Variants in MCPH1 observed in about 807,000 individuals in gnomAD.
MCPH1 encodes microcephalin 1, also known as microcephalin.
MCPH1 carries 104 observed loss-of-function variants against 84.5 expected under a neutral mutation model. The observed-to-expected ratio is 1.23, with a 90% confidence interval of 1.05 to 1.45. The LOEUF (loss-of-function observed/expected upper bound fraction) is 1.45, where lower values mean the gene tolerates loss of function less well. MCPH1 is among the 40% of genes most tolerant of loss of function. MCPH1 has a pLI of 0.00. For missense variants in MCPH1, 1,498 were observed against 1,005.7 expected, an observed-to-expected ratio of 1.49 and a Z score of -6.62; for synonymous variants, 514 against 366.8, an observed-to-expected ratio of 1.40 and a Z score of -4.58.
intron 3 of MCPH1, among the ~76,000 whole-genome samples, chr8:6,430,382 G>A (rs1801662501): frequency 6.6e-6 from 1 of 152,286 alleles, no homozygotes; most frequent in East Asian, 1.9e-4. Context: ...AGGGGATAAT[G>A]CGAGATGAGA....
intron 11 of MCPH1, among the ~76,000 whole-genome samples, chr8:6,485,634 A>ATGTC (rs1809795188): frequency 6.6e-6 from 1 of 152,052 alleles, no homozygotes; most frequent in African/African-American, 2.4e-5. Context: ...TCACAAATGT[A>ATGTC]TGTCTGTATT....
chr8:6,623,953 G>C (rs992046910), intron 13 of MCPH1, among the ~76,000 whole-genome samples: 2 of 152,214 alleles, frequency 1.3e-5, no homozygotes, highest in Non-Finnish European at 2.9e-5. Flanking sequence ...ATATCAACAG[G>C]CAGTCTTTTT....
chr8:6,531,132 C>T (rs1441906804), intron 12 of MCPH1, among the ~76,000 whole-genome samples: 2 of 151,900 alleles, frequency 1.3e-5, no homozygotes, highest in East Asian at 1.9e-4. Flanking sequence ...GAGCTTGGAG[C>T]GTCTGCATTT....
intron 12 of MCPH1, among the ~76,000 whole-genome samples, chr8:6,566,329 TGTG>T (rs1826146943): frequency 6.6e-6 from 1 of 152,322 alleles, no homozygotes; most frequent in East Asian, 1.9e-4. Flanking sequence ...GTGCACGCGG[TGTG>T]GTGACCGTGT....
intron 13 of MCPH1, among the ~76,000 whole-genome samples, chr8:6,638,945 C>T (rs984756968): frequency 3.3e-5 from 5 of 152,184 alleles, no homozygotes; most frequent in African/African-American, 1.2e-4. Context: ...CAGTCACAGC[C>T]CCATGCGCAC....
intron 11 of MCPH1, among the ~76,000 whole-genome samples, chr8:6,491,488 ATTATAC>A: frequency 8.6e-6 from 1 of 116,718 alleles, no homozygotes; most frequent in East Asian, 2.4e-4. Flanking sequence ...TTTTTTTTTT[ATTATAC>A]TTTAAGTTCT....
At chr8:6,611,130 T>TCACACACA (rs138053875) in intron 12 of MCPH1, among the ~76,000 whole-genome samples, 3,796 of 149,818 alleles carry the variant, frequency 0.025, 133 homozygotes, top group African/African-American at 0.084. Flanking sequence ...ACACACACAC[T>TCACACACA]CACACACACA....
chr8:6,426,636 G>A (rs919661522), intron 3 of MCPH1, among the ~76,000 whole-genome samples: 1 of 152,200 alleles, frequency 6.6e-6, no homozygotes, highest in Non-Finnish European at 1.5e-5. Flanking sequence ...AGTTACAATG[G>A]ACATTTACAT....
chr8:6,492,699 T>TA (rs1810762842), intron 11 of MCPH1, among the ~76,000 whole-genome samples: 2 of 147,024 alleles, frequency 1.4e-5, no homozygotes, highest in African/African-American at 2.5e-5. Context: ...TAAAATTTTT[T>TA]TAAAAATAAA....
chr8:6,642,959 T>C (rs1267128544), intron 13 of MCPH1, 35 bp from the exon 14 acceptor site: 6 of 1,603,744 alleles, frequency 3.7e-6, no homozygotes, highest in Non-Finnish European at 5.1e-6. Flanking sequence ...GGCTGGCTAT[T>C]ATGAATGCTA....
chr8:6,598,184 G>A (rs1424341342), intron 12 of MCPH1, among the ~76,000 whole-genome samples: 1 of 152,214 alleles, frequency 6.6e-6, no homozygotes, highest in African/African-American at 2.4e-5. Context: ...CAATCAGAGT[G>A]AGCACCAGAG....
chr8:6,417,848 T>G (rs993334565), intron 3 of MCPH1, among the ~76,000 whole-genome samples: 6 of 152,210 alleles, frequency 3.9e-5, no homozygotes, highest in Non-Finnish European at 7.3e-5. Context: ...TGGCTCTTCA[T>G]ATGGCAAATA....
intron 12 of MCPH1, among the ~76,000 whole-genome samples, chr8:6,514,447 C>A (rs1204696705): frequency 3.3e-5 from 5 of 152,160 alleles, no homozygotes; most frequent in African/African-American, 1.2e-4. Context: ...CCTCGGCCTC[C>A]CAAAGTGCTG....
chr8:6,609,822 C>G (rs1014672082), intron 12 of MCPH1, among the ~76,000 whole-genome samples: 7 of 75,536 alleles, frequency 9.3e-5, no homozygotes, highest in African/African-American at 2.2e-4. Flanking sequence ...GCCCCCCGCC[C>G]CCCCCCCACA....
chr8:6,414,379 C>G (rs910386103), intron 2 of MCPH1, among the ~76,000 whole-genome samples: 2 of 152,160 alleles, frequency 1.3e-5, no homozygotes, highest in South Asian at 2.1e-4. Context: ...TCTCTGTTGC[C>G]TCTGAATTTC....
intron 9 of MCPH1, among the ~76,000 whole-genome samples, chr8:6,466,022 T>A (rs904143070): frequency 7.9e-5 from 12 of 152,170 alleles, no homozygotes; most frequent in Admixed American, 3.9e-4. Context: ...TGGCGCTATC[T>A]TGGCTCACTG....
chr8:6,546,934 A>G (rs1822691563), intron 12 of MCPH1, among the ~76,000 whole-genome samples: 1 of 152,214 alleles, frequency 6.6e-6, no homozygotes, highest in African/African-American at 2.4e-5. Flanking sequence ...CACTAGGAAA[A>G]ACAGCCATGT....
At chr8:6,473,913 C>G in intron 9 of MCPH1, 2 of 1,548,370 alleles carry the variant, frequency 1.3e-6, no homozygotes, top group Non-Finnish European at 1.7e-6. Context: ...TCTAGCTCTT[C>G]TGGTTTATTG....
At chr8:6,623,721 AT>A (rs35790426) in intron 13 of MCPH1, among the ~76,000 whole-genome samples, 105,517 of 118,880 alleles carry the variant, frequency 0.89, 46,083 homozygotes, top group Middle Eastern at 0.93. Context: ...AAAAAAAACT[AT>A]TGATTTTAGT....
Sources: allele counts gnomAD v4.1 joint callset (sites outside exome capture counted in the v4.1 genomes callset), GRCh38; gene constraint gnomAD v4.1.1; transcripts MANE v1.5; gene names NCBI Gene and HGNC (gene_info 2026-07-23, HGNC 2026-07-21).